STAB2: variants seen among roughly 807,000 people sequenced by gnomAD.
STAB2 encodes the protein stabilin-2.
STAB2 carries 288 observed loss-of-function variants against 338.1 expected under a neutral mutation model. That is an observed-to-expected ratio of 0.85 (90% CI 0.77 to 0.94). The LOEUF is 0.94. Ranked by LOEUF, STAB2 falls within the 40% of genes least tolerant of loss-of-function variation. STAB2 has a pLI of 0.00. For missense variants in STAB2, 3,141 were observed against 3,210.1 expected, an observed-to-expected ratio of 0.98 and a Z score of 0.52; for synonymous variants, 1,202 against 1,193.3, an observed-to-expected ratio of 1.01 and a Z score of -0.15.
intron 60 of STAB2, among the ~76,000 whole-genome samples, chr12:103,752,430 T>G (rs1883748482): frequency 6.6e-6 from 1 of 152,244 alleles, no homozygotes; most frequent in Non-Finnish European, 1.5e-5. Context: ...ATCATTTTTG[T>G]GGCATTATAC....
intron 17 of STAB2, 62 bp from the exon 18 acceptor site, chr12:103,662,784 A>G: frequency 2.5e-6 from 4 of 1,572,072 alleles, no homozygotes; most frequent in Non-Finnish European, 3.5e-6. Flanking sequence ...CTGCCTGAGG[A>G]TCACTGGCAG....
chr12:103,704,639 A>T (rs760934531), intron 36 of STAB2, 25 bp downstream of exon 36: 6 of 1,610,848 alleles, frequency 3.7e-6, no homozygotes, highest in Non-Finnish European at 5.1e-6. Context: ...TGTTTTGATA[A>T]AATAGTTTCC....
intron 2 of STAB2, among the ~76,000 whole-genome samples, chr12:103,592,518 T>C (rs1163799500): frequency 6.6e-6 from 1 of 152,224 alleles, no homozygotes; most frequent in African/African-American, 2.4e-5. Flanking sequence ...TCTTTTGTTT[T>C]ATGTTCTTTC....
intron 33 of STAB2, among the ~76,000 whole-genome samples, chr12:103,698,307 G>A (rs6539095): frequency 0.96 from 146,013 of 152,224 alleles, 70,076 homozygotes; most frequent in East Asian, 1. Context: ...TTCCCCACAG[G>A]ATGTTTCTCT....
chr12:103,722,434 G>A (rs578122854), intron 44 of STAB2, among the ~76,000 whole-genome samples: 1 of 152,324 alleles, frequency 6.6e-6, no homozygotes, highest in East Asian at 1.9e-4. Context: ...CAAGGTGGAG[G>A]CTTGTGTAAA....
Position 103,748,983 on chromosome 12 carries a change from G to C in STAB2, c.6265G>C (p.Asp2089His). 1.2e-6 allele frequency: 2 copies of C among 1,613,820 alleles called. No individual in the cohort carries two copies. The highest frequency in any genetic ancestry group is 1.7e-6 in the Non-Finnish European group (2 of 1,179,876). ...TGCAGTTGTGGATTTCTGCAAACAG[G>C]ACAACGGGGGCTGTGCAAAGGTGGC... Reference protein sequence around the residue: ...TCTVVDFCKQDNGGCAKVARC... With the variant: ...TCTVVDFCKQHNGGCAKVARC... Residue 2089 changes from aspartate (D) to histidine (H), a missense_variant, in exon 59 of 69, where the codon GAC becomes CAC. Coordinates refer to ENST00000388887, the MANE Select transcript of STAB2 (RefSeq NM_017564.10).
intron 33 of STAB2, 81 bp from the exon 34 acceptor site, chr12:103,699,015 C>T: frequency 4.0e-6 from 6 of 1,515,064 alleles, no homozygotes; most frequent in Middle Eastern, 4.9e-4. Flanking sequence ...TTTGTAATCT[C>T]CACAGTGACA....
At chr12:103,701,053 T>C (rs1878824623) in intron 34 of STAB2, among the ~76,000 whole-genome samples, 1 of 147,340 alleles carries the variant, frequency 6.8e-6, no homozygotes, top group Non-Finnish European at 1.5e-5. Context: ...CCTTCCTGTG[T>C]CCATGTGTTC....
chr12:103,592,749 C>T (rs1056101849), intron 2 of STAB2, among the ~76,000 whole-genome samples: 3 of 152,120 alleles, frequency 2.0e-5, no homozygotes, highest in African/African-American at 7.2e-5. Context: ...AATGTTTAAG[C>T]ATATATTATG....
intron 28 of STAB2, 109 bp from the exon 29 acceptor site, chr12:103,689,737 G>T: frequency 9.8e-6 from 14 of 1,428,250 alleles, no homozygotes; most frequent in African/African-American, 1.4e-5. Context: ...GGAGACCCTA[G>T]GACCCTTCCA....
At chr12:103,599,629 G>A (rs753372723) in intron 3 of STAB2, among the ~76,000 whole-genome samples, 2 of 152,186 alleles carry the variant, frequency 1.3e-5, no homozygotes, top group Non-Finnish European at 2.9e-5. Context: ...ATGTACTTAT[G>A]CTAAAACAAT....
At chr12:103,630,195 T>A (rs781406035) in intron 5 of STAB2, among the ~76,000 whole-genome samples, 9 of 152,208 alleles carry the variant, frequency 5.9e-5, no homozygotes, top group Admixed American at 1.3e-4. Context: ...ACTGCAATAG[T>A]CCAGGCAAAA....
chr12:103,684,516 C>T (rs1877219293), intron 26 of STAB2, among the ~76,000 whole-genome samples: 1 of 152,178 alleles, frequency 6.6e-6, no homozygotes, highest in African/African-American at 2.4e-5. Flanking sequence ...CCCAACCAAG[C>T]CCTGACATTC....
chr12:103,686,677 T>C (rs757795059), intron 27 of STAB2, among the ~76,000 whole-genome samples: 3 of 152,196 alleles, frequency 2.0e-5, no homozygotes, highest in African/African-American at 4.8e-5. Flanking sequence ...AGCTAATTTT[T>C]GTATTTTTTA....
chr12:103,757,672 G>C (rs568499939), intron 63 of STAB2, among the ~76,000 whole-genome samples: 2 of 152,330 alleles, frequency 1.3e-5, no homozygotes, highest in South Asian at 4.2e-4. Flanking sequence ...CAGGCAGAAG[G>C]AACAGTCCAA....
At chr12:103,685,374 C>T (rs1001764787) in intron 27 of STAB2, among the ~76,000 whole-genome samples, 4 of 151,894 alleles carry the variant, frequency 2.6e-5, no homozygotes, top group African/African-American at 7.3e-5. Context: ...CTGGCCTCTG[C>T]TGGGTTCACT....
chr12:103,734,211 A>G (rs184321454), intron 51 of STAB2, among the ~76,000 whole-genome samples: 168 of 149,578 alleles, frequency 1.1e-3, no homozygotes, highest in Non-Finnish European at 1.8e-3. Flanking sequence ...TATAGGAGCA[A>G]GCACGATCAC....
chr12:103,637,584 C>G lies in STAB2; in HGVS notation c.709+348C>G, dbSNP rs565809702. Among the ~76,000 whole-genome samples the G allele has an allele frequency of 2.2e-4, 33 of 152,208 alleles. 1 individual carries two copies. In the South Asian group the frequency reaches 6.8e-3, roughly 32 times the overall value. The stretch of plus-strand genomic sequence containing the variant: ...TCAAGCCAGACCGTCTGGGTTCAGT[C>G]CCAGATCTGCCTTCTACTGACTACA... On this transcript the variant is annotated intron_variant, in intron 7 of 68. Transcript: ENST00000388887.
At chr12:103,673,089 G>A (rs76059974) in intron 22 of STAB2, among the ~76,000 whole-genome samples, 3,704 of 152,200 alleles carry the variant, frequency 0.024, 67 homozygotes, top group Admixed American at 0.06. Context: ...CCCAAATATC[G>A]CCTATTGGTT....
Sources: allele counts gnomAD v4.1 joint callset (sites outside exome capture counted in the v4.1 genomes callset), GRCh38; gene constraint gnomAD v4.1.1; transcripts MANE v1.5; gene names NCBI Gene and HGNC (gene_info 2026-07-23, HGNC 2026-07-21).